SLC22A5: variants seen among roughly 807,000 people sequenced by gnomAD.
SLC22A5 encodes the protein organic cation/carnitine transporter 2.
SLC22A5 carries 44 observed loss-of-function variants against 56.7 expected under a neutral mutation model. That is an observed-to-expected ratio of 0.78 (90% CI 0.61 to 1.00). The LOEUF (loss-of-function observed/expected upper bound fraction) is 1.00. SLC22A5 is among the 50% of genes least tolerant of loss of function. SLC22A5 has a pLI of 0.00. For synonymous variants in SLC22A5, 278 were observed against 292.1 expected, an observed-to-expected ratio of 0.95 and a Z score of 0.49; for missense variants, 675 against 723.0, an observed-to-expected ratio of 0.93 and a Z score of 0.76.
intron 1 of SLC22A5, chr5:132,377,969 C>T (rs1308596734): frequency 4.9e-5 from 40 of 816,894 alleles, no homozygotes; most frequent in Non-Finnish European, 7.2e-5. Context: ...GCCCCAGAGC[C>T]CTGCTTCCAG....
chr5:132,388,637 T>TGACA (rs1429755804), intron 5 of SLC22A5, among the ~76,000 whole-genome samples: 4 of 151,806 alleles, frequency 2.6e-5, no homozygotes, highest in African/African-American at 9.7e-5. Flanking sequence ...TATGTGGGGG[T>TGACA]GCAGTGAGGA....
intron 6 of SLC22A5, 22 bp downstream of exon 6, chr5:132,389,043 G>A: frequency 6.7e-7 from 1 of 1,496,296 alleles, no homozygotes; most frequent in Non-Finnish European, 9.3e-7. Context: ...AGACCTGCCT[G>A]AGGCTTCCAG....
intron 1 of SLC22A5, among the ~76,000 whole-genome samples, chr5:132,374,470 C>T (rs1752060014): frequency 6.6e-6 from 1 of 152,160 alleles, no homozygotes; most frequent in Non-Finnish European, 1.5e-5. Flanking sequence ...GAGCTGGGAC[C>T]GGGGCTGACT....
intron 1 of SLC22A5, chr5:132,377,973 C>A: frequency 1.2e-6 from 1 of 863,538 alleles, no homozygotes; most frequent in Non-Finnish European, 1.8e-6. Flanking sequence ...CAGAGCCCTG[C>A]TTCCAGAACC....
At chr5:132,384,356 A>G (rs1752452292) in intron 3 of SLC22A5, 55 bp downstream of exon 3, 3 of 1,548,652 alleles carry the variant, frequency 1.9e-6, no homozygotes, top group Non-Finnish European at 2.7e-6. Flanking sequence ...CCATCATCCC[A>G]TCACCTACCT....
At position 132,369,889 on chromosome 5, in the gene SLC22A5, C is replaced by A. The variant is rs1214327723; in HGVS notation, c.-84C>A. 2 of 1,543,046 alleles carry A rather than the reference C, an allele frequency of 1.3e-6. No homozygotes were observed. The highest frequency in any genetic ancestry group is 1.4e-5 in the African/African-American group (1 of 73,236). ...TCGCCTGCTGCCTGGCTTGCCTGGT[C>A]GGCGGCGGGTGCCCCGCGCGCACGC... On this transcript the variant is annotated 5_prime_UTR_variant, in exon 1 of 10. Transcript: ENST00000245407.
In SLC22A5 at chr5:132,393,746, G is replaced by C. The variant is rs778716973; in HGVS notation, c.1521G>C (p.Leu507Phe). ...CCATCCTGACAGCCATCCTCACCTT[G>C]TTTCTCCCAGAGAGCTTCGGTACCC... ...SLTILTAILTLFLPESFGTPL... is the reference protein window; with the variant it reads ...SLTILTAILTFFLPESFGTPL... The change falls in exon 9 of 10, where the codon TTG becomes TTC. Residue 507 changes from leucine (L) to phenylalanine (F), a missense_variant. Physicochemically the swap from Leu to Phe is conservative, Grantham distance 22 (BLOSUM62 0). Coordinates refer to ENST00000245407, the MANE Select transcript of SLC22A5 (RefSeq NM_003060.4). 7 of 1,614,106 alleles carry C rather than the reference G, an allele frequency of 4.3e-6. No homozygotes were observed. In the Admixed American group the frequency reaches 1.2e-4, roughly 27 times the overall value.
At chr5:132,386,194 ATTTTTTTCC>A (rs965337141) in intron 4 of SLC22A5, among the ~76,000 whole-genome samples, 1 of 150,644 alleles carries the variant, frequency 6.6e-6, no homozygotes, top group Non-Finnish European at 1.5e-5. Context: ...AAACATGCTA[ATTTTTTTCC>A]TTTTTTTCTT....
intron 2 of SLC22A5, chr5:132,382,925 A>G (rs899006111): frequency 6.6e-6 from 1 of 152,184 alleles, no homozygotes; most frequent in Non-Finnish European, 1.5e-5. Context: ...AACTGAACCC[A>G]CTGCTTCCCA....
intron 1 of SLC22A5, among the ~76,000 whole-genome samples, chr5:132,372,658 T>G (rs1227099754): frequency 6.6e-6 from 1 of 152,252 alleles, no homozygotes; most frequent in African/African-American, 2.4e-5. Flanking sequence ...TACTTATATG[T>G]TGTCAGTCTT....
intron 8 of SLC22A5, 152 bp downstream of exon 8, chr5:132,392,767 T>C (rs1752750169): frequency 1.4e-6 from 1 of 722,658 alleles, no homozygotes; most frequent in African/African-American, 1.7e-5. Flanking sequence ...GGAAGGGTTC[T>C]TGTCCCAGTG....
rs11568521 is a variant in SLC22A5 at position 132,393,747 on chromosome 5, T to C, written c.1522T>C (p.Phe508Leu). The stretch of plus-strand genomic sequence containing the variant: ...CATCCTGACAGCCATCCTCACCTTG[T>C]TTCTCCCAGAGAGCTTCGGTACCCC... The part of the protein sequence containing the change: ...LTILTAILTL[F>L]LPESFGTPLP... Residue 508 changes from phenylalanine to leucine, a missense_variant, in exon 9 of 10, where the codon TTT (phenylalanine) becomes CTT (leucine). By Grantham distance (22) the Phe-to-Leu change is conservative (BLOSUM62 0). Coordinates refer to ENST00000245407, the MANE Select transcript of SLC22A5 (RefSeq NM_003060.4). 1.2e-6 allele frequency: 2 copies of C among 1,614,156 alleles called. No homozygotes were observed. The highest frequency in any genetic ancestry group is 1.7e-5 in the Admixed American group (1 of 60,008).
intron 1 of SLC22A5, among the ~76,000 whole-genome samples, chr5:132,373,437 A>G (rs750195421): frequency 1.1e-4 from 17 of 152,168 alleles, no homozygotes; most frequent in Non-Finnish European, 2.2e-4. Flanking sequence ...GGAGTTCAAG[A>G]CCAGTCTGGC....
chr5:132,370,511 C>G (rs1423119774), intron 1 of SLC22A5, 146 bp downstream of exon 1: 1 of 970,100 alleles, frequency 1.0e-6, no homozygotes, highest in African/African-American at 1.6e-5. Context: ...TGGAGACCCT[C>G]CAGCCAGGTG....
In SLC22A5 at chr5:132,370,042, C is replaced by T; in HGVS notation, c.70C>T (p.Leu24=). 6.2e-7 allele frequency: 1 copy of T among 1,613,444 alleles called. No individual in the cohort carries two copies. Among genetic ancestry groups the T allele is most frequent in the Non-Finnish European group, 8.5e-7 (1 of 1,179,758 alleles). ...GCCCTTCCAGCGCCTCATCTTCTTC[C>T]TGCTCAGCGCCAGCATCATCCCCAA... ...WGPFQRLIFF[L]LSASIIPNGF... Residue 24 remains leucine, a synonymous_variant, in exon 1 of 10, where the codon CTG becomes TTG. Coordinates refer to ENST00000245407, the MANE Select transcript of SLC22A5 (RefSeq NM_003060.4).
chr5:132,379,294 C>G (rs555355527), intron 2 of SLC22A5: 1 of 152,328 alleles, frequency 6.6e-6, no homozygotes, highest in Admixed American at 6.5e-5. Context: ...AGAGTAGCAG[C>G]CTTCAGCAAG....
At chr5:132,392,645 A>G in intron 8 of SLC22A5, 30 bp downstream of exon 8, 1 of 1,597,272 alleles carries the variant, frequency 6.3e-7, no homozygotes, top group Middle Eastern at 1.9e-4. Flanking sequence ...GGCACACTAG[A>G]GCAACGGGAT....
intron 4 of SLC22A5, among the ~76,000 whole-genome samples, chr5:132,386,792 C>T (rs989898263): frequency 3.9e-5 from 6 of 152,164 alleles, no homozygotes; most frequent in East Asian, 3.8e-4. Context: ...ATGGGGATGC[C>T]GTCAGGGGGT....
At chr5:132,382,055 T>G (rs1055251166) in intron 2 of SLC22A5, 1 of 152,178 alleles carries the variant, frequency 6.6e-6, no homozygotes, top group African/African-American at 2.4e-5. Flanking sequence ...TATTAACATT[T>G]TGAGCCAAAT....
Sources: allele counts gnomAD v4.1 joint callset (sites outside exome capture counted in the v4.1 genomes callset), GRCh38; gene constraint gnomAD v4.1.1; transcripts MANE v1.5; gene names NCBI Gene and HGNC (gene_info 2026-07-23, HGNC 2026-07-21).